The following RABGAP1L variants were observed in gnomAD, a reference collection of about 807,000 sequenced individuals.
RABGAP1L encodes rab GTPase-activating protein 1-like.
A neutral mutation model predicts 137.7 loss-of-function variants in RABGAP1L; 63 were observed. That is an observed-to-expected ratio of 0.46 (90% CI 0.37 to 0.56). The LOEUF (loss-of-function observed/expected upper bound fraction) is 0.56. RABGAP1L is among the 20% of genes least tolerant of loss of function. RABGAP1L has a pLI of 0.00. For synonymous variants in RABGAP1L, 431 were observed against 433.7 expected, an observed-to-expected ratio of 0.99 and a Z score of 0.08; for missense variants, 1,095 against 1,244.0, an observed-to-expected ratio of 0.88 and a Z score of 1.80.
At chr1:174,753,671 A>G (rs533877443) in intron 18 of RABGAP1L, among the ~76,000 whole-genome samples, 240 of 152,286 alleles carry the variant, frequency 1.6e-3, no homozygotes, top group Non-Finnish European at 2.7e-3. Context: ...TTCTTTCATT[A>G]AAACAAATCC....
chr1:174,812,011 A>G (rs1212864127), intron 19 of RABGAP1L, 51 bp downstream of exon 19: 7 of 1,475,254 alleles, frequency 4.7e-6, no homozygotes, highest in Non-Finnish European at 5.4e-6. Context: ...GTGCAGAATA[A>G]TATGACAAAT....
rs1353955355 is a variant in RABGAP1L at position 174,305,076 on chromosome 1, C to T, written c.1414C>T (p.Pro472Ser). ...RESDKEEPVT[P>S]TSGGGPMSPQ... Reference sequence around the variant, plus strand: ...GTCTGACAAGGAGGAACCAGTCACTCCTACTAGTGGAGGGGGTCCAATGTC... The same window carrying T: ...GTCTGACAAGGAGGAACCAGTCACTTCTACTAGTGGAGGGGGTCCAATGTC... The change falls in exon 11 of 26, where the codon CCT becomes TCT. Residue 472 changes from proline to serine, a missense_variant. This residue lies in a region of RABGAP1L where 315 missense variants were observed against 324.8 expected (regional missense o/e 0.97). Coordinates refer to ENST00000681986, the MANE Select transcript of RABGAP1L (RefSeq NM_001366446.1). 2 of 1,556,386 alleles carry T rather than the reference C, an allele frequency of 1.3e-6. No homozygotes were observed. The highest frequency in any genetic ancestry group is 2.8e-5 in the African/African-American group (2 of 71,104).
chr1:174,433,462 T>C (rs938161507), intron 13 of RABGAP1L, among the ~76,000 whole-genome samples: 10 of 152,224 alleles, frequency 6.6e-5, no homozygotes, highest in Admixed American at 6.5e-4. Flanking sequence ...TATTTTTGTC[T>C]CCATTTTTCT....
intron 1 of RABGAP1L, among the ~76,000 whole-genome samples, chr1:174,203,238 C>A (rs1302943372): frequency 6.6e-6 from 1 of 152,076 alleles, no homozygotes; most frequent in African/African-American, 2.4e-5. Flanking sequence ...GCCAGTTTAT[C>A]CCATCACTAT....
At chr1:174,596,088 G>A (rs1019752419) in intron 13 of RABGAP1L, among the ~76,000 whole-genome samples, 7 of 127,278 alleles carry the variant, frequency 5.5e-5, no homozygotes, top group South Asian at 2.6e-4. Flanking sequence ...TCTGAAAAGC[G>A]CAATATTCGG....
At chr1:174,386,968 A>C (rs1686848100) in intron 12 of RABGAP1L, among the ~76,000 whole-genome samples, 1 of 150,202 alleles carries the variant, frequency 6.7e-6, no homozygotes, top group African/African-American at 2.5e-5. Context: ...AAATATTTTG[A>C]TGACTAAATA....
intron 11 of RABGAP1L, among the ~76,000 whole-genome samples, chr1:174,354,728 C>A (rs910338196): frequency 1.3e-5 from 2 of 152,090 alleles, no homozygotes; most frequent in Non-Finnish European, 2.9e-5. Context: ...GACATGAAGT[C>A]CTTGCCCATG....
chr1:174,470,678 A>G (rs1657812272), intron 13 of RABGAP1L, among the ~76,000 whole-genome samples: 1 of 152,128 alleles, frequency 6.6e-6, no homozygotes, highest in African/African-American at 2.4e-5. Flanking sequence ...GAGGCAGGAG[A>G]ATAGCTTGAA....
intron 9 of RABGAP1L, among the ~76,000 whole-genome samples, chr1:174,276,251 C>CA (rs1674991102): frequency 6.6e-6 from 1 of 152,100 alleles, no homozygotes. Flanking sequence ...GCAATCCTCC[C>CA]ACCTCAGCCT....
At chr1:174,349,903 G>C (rs895748853) in intron 11 of RABGAP1L, among the ~76,000 whole-genome samples, 1 of 138,310 alleles carries the variant, frequency 7.2e-6, no homozygotes, top group African/African-American at 2.6e-5. Context: ...CTGGCCAGGT[G>C]GGGGGCTGAC....
At chr1:174,931,437 A>G (rs988249767) in intron 19 of RABGAP1L, among the ~76,000 whole-genome samples, 10 of 152,134 alleles carry the variant, frequency 6.6e-5, no homozygotes, top group South Asian at 2.1e-4. Context: ...AGGCTTTTCA[A>G]GCTAAATAGA....
At chr1:174,228,119 G>C (rs1231048962) in intron 3 of RABGAP1L, among the ~76,000 whole-genome samples, 1 of 151,526 alleles carries the variant, frequency 6.6e-6, no homozygotes, top group East Asian at 1.9e-4. Context: ...TTCTTATTTT[G>C]TTAGATGTTT....
intron 19 of RABGAP1L, among the ~76,000 whole-genome samples, chr1:174,889,503 C>T (rs2149113424): frequency 6.6e-6 from 1 of 152,284 alleles, no homozygotes; most frequent in Non-Finnish European, 1.5e-5. Context: ...TCACTGCAGC[C>T]TCGAACTCCT....
rs114053053 is a variant in RABGAP1L, at chr1:174,659,655, C to T, written c.1824+22167C>T. Among the ~76,000 whole-genome samples, 1,328 of 152,244 alleles carry T rather than the reference C, an allele frequency of 8.7e-3. 7 individuals are homozygous for T. The highest frequency in any genetic ancestry group is 0.015 in the Non-Finnish European group (1,035 of 68,020). On this transcript the variant is annotated intron_variant, in intron 14 of 25. Coordinates refer to ENST00000681986, the MANE Select transcript of RABGAP1L (RefSeq NM_001366446.1). ...ATACCATGCATTCATTGATAATTTC[C>T]AAATTTATATATCTGACCCCAACCA...
intron 18 of RABGAP1L, among the ~76,000 whole-genome samples, chr1:174,801,057 G>A (rs1168984326): frequency 1.3e-5 from 2 of 152,142 alleles, no homozygotes; most frequent in Non-Finnish European, 2.9e-5. Context: ...AAAGCTGCTG[G>A]CTTCTGTGCT....
At chr1:174,204,824 C>T (rs755674744) in intron 1 of RABGAP1L, among the ~76,000 whole-genome samples, 1 of 152,030 alleles carries the variant, frequency 6.6e-6, no homozygotes, top group Non-Finnish European at 1.5e-5. Context: ...AGTACTTCCC[C>T]CTTCACTCTC....
At chr1:174,756,473 T>A (rs147592277) in intron 18 of RABGAP1L, among the ~76,000 whole-genome samples, 1,615 of 152,068 alleles carry the variant, frequency 0.011, 33 homozygotes, top group African/African-American at 0.037. Context: ...ATATATATTT[T>A]TTTTTGAAAG....
At chr1:174,576,177 G>A (rs1017964320) in intron 13 of RABGAP1L, among the ~76,000 whole-genome samples, 1 of 152,152 alleles carries the variant, frequency 6.6e-6, no homozygotes, top group Non-Finnish European at 1.5e-5. Flanking sequence ...AGGATGTGAG[G>A]CTAGACAACT....
At chr1:174,849,753 GC>G in intron 19 of RABGAP1L, 1 of 493,008 alleles carries the variant, frequency 2.0e-6, no homozygotes, top group Non-Finnish European at 4.1e-6. Context: ...GTATTCTTGG[GC>G]TATTTTCTCA....
Sources: allele counts gnomAD v4.1 joint callset (sites outside exome capture counted in the v4.1 genomes callset), GRCh38; gene constraint gnomAD v4.1.1; regional missense constraint gnomAD v4.1.1; transcripts MANE v1.5; gene names NCBI Gene and HGNC (gene_info 2026-07-23, HGNC 2026-07-21).